The following UGT2A3 variants were observed in gnomAD, a reference collection of about 807,000 sequenced individuals.
The protein encoded by UGT2A3 is UDP glucuronosyltransferase family 2 member A3.
A neutral mutation model predicts 44.1 loss-of-function variants in UGT2A3; 55 were observed. The observed-to-expected ratio is 1.25, with a 90% CI of 1.00 to 1.56. The LOEUF (loss-of-function observed/expected upper bound fraction) is 1.56. Among genes scored for constraint, UGT2A3 ranks in the 40% most tolerant of loss-of-function variants. The pLI is 0.00. For synonymous variants in UGT2A3, 243 were observed against 215.1 expected, an observed-to-expected ratio of 1.13 and a Z score of -1.13; for missense variants, 733 against 621.6, an observed-to-expected ratio of 1.18 and a Z score of -1.91.
intron 2 of UGT2A3, 43 bp downstream of exon 2, chr4:68,945,263 C>A (rs747205135): frequency 1.2e-6 from 2 of 1,603,674 alleles, no homozygotes; most frequent in East Asian, 2.2e-5. Context: ...GAAAACAAGT[C>A]ATGTCATAAA....
At chr4:68,934,146 A>G (rs1440167231) in intron 2 of UGT2A3, among the ~76,000 whole-genome samples, 2 of 152,028 alleles carry the variant, frequency 1.3e-5, no homozygotes, top group Non-Finnish European at 2.9e-5. Context: ...CCGACATCAA[A>G]TTCACAATAA....
intron 2 of UGT2A3, 132 bp downstream of exon 2, chr4:68,945,174 C>T: frequency 2.1e-6 from 2 of 975,354 alleles, no homozygotes; most frequent in Non-Finnish European, 3.0e-6. Flanking sequence ...GCCCCTGTGG[C>T]ATGGAAAATA....
chr4:68,936,427 A>C (rs184232511), intron 2 of UGT2A3, among the ~76,000 whole-genome samples: 4 of 152,228 alleles, frequency 2.6e-5, no homozygotes, highest in Non-Finnish European at 2.9e-5. Flanking sequence ...AAAGGAAAGA[A>C]TTTTCAACCC....
intron 2 of UGT2A3, among the ~76,000 whole-genome samples, chr4:68,938,839 G>A (rs1275178403): frequency 6.6e-6 from 1 of 152,160 alleles, no homozygotes; most frequent in Admixed American, 6.6e-5. Flanking sequence ...CAGCTGATAA[G>A]CAACTTCAGC....
intron 3 of UGT2A3, among the ~76,000 whole-genome samples, chr4:68,932,334 A>AT (rs539044685): frequency 1.1e-4 from 16 of 150,738 alleles, no homozygotes; most frequent in Admixed American, 2.0e-4. Context: ...AGATGTCAGA[A>AT]TTTTTTTTTG....
chr4:68,935,429 G>T (rs1342672612), intron 2 of UGT2A3, among the ~76,000 whole-genome samples: 3 of 151,168 alleles, frequency 2.0e-5, no homozygotes, highest in Non-Finnish European at 4.4e-5. Context: ...GGTCTGGAGT[G>T]GACCTCCAGC....
In UGT2A3 at chr4:68,928,510, A is replaced by G. The variant is rs1717599072; in HGVS notation, c.*1303T>C. On this transcript the variant is annotated 3_prime_UTR_variant, in exon 6 of 6. Transcript: ENST00000251566. ...ATTTATATTTATTGTATACATACAC[A>G]AGAAAAATACTTATATTTATTTTTA... The G allele has an allele frequency of 6.6e-6, 1 of 152,068 alleles. No individual in the cohort carries two copies. The highest frequency in any genetic ancestry group is 1.5e-5 in the Non-Finnish European group (1 of 67,982). 9.4% of individuals were successfully genotyped at this position (152,068 alleles called of 1,614,324 possible).
chr4:68,939,089 G>A (rs1718081823), intron 2 of UGT2A3, among the ~76,000 whole-genome samples: 1 of 152,116 alleles, frequency 6.6e-6, no homozygotes, highest in Non-Finnish European at 1.5e-5. Context: ...CTCATGGATA[G>A]GAAGAATTAA....
chr4:68,951,468 A>G lies in UGT2A3; in HGVS notation c.293T>C (p.Leu98Ser), dbSNP rs773548884. The change falls in exon 1 of 6, where the codon TTG becomes TCG. Residue 98 changes from leucine (L) to serine (S), a missense_variant. Leu to Ser is a moderately radical substitution (Grantham distance 145, BLOSUM62 -2). Transcript: ENST00000251566. ...TGATTGCCAGGTTGATAAGCCTGGC[A>G]AGACATTCAGAGCTAGGTCAACAAA... The part of the protein sequence containing the change: ...EIFVDLALNV[L>S]PGLSTWQSVI... 8 of 1,612,548 alleles carry G rather than the reference A, an allele frequency of 5.0e-6. No homozygotes were observed. Among genetic ancestry groups the G allele is most frequent in the Non-Finnish European group, 6.8e-6 (8 of 1,179,244 alleles).
chr4:68,932,848 A>AC, intron 2 of UGT2A3, 89 bp from the exon 3 acceptor site: 1 of 1,300,478 alleles, frequency 7.7e-7, no homozygotes, highest in Non-Finnish European at 1.1e-6. Flanking sequence ...TAAATACTTG[A>AC]GAAATTATTA....
At chr4:68,949,988 A>T (rs1056986806) in intron 1 of UGT2A3, among the ~76,000 whole-genome samples, 3 of 151,882 alleles carry the variant, frequency 2.0e-5, no homozygotes, top group African/African-American at 7.2e-5. Flanking sequence ...CACCCCTTTG[A>T]TAACACTTTT....
chr4:68,938,617 G>A (rs1251885635), intron 2 of UGT2A3, among the ~76,000 whole-genome samples: 1 of 152,092 alleles, frequency 6.6e-6, no homozygotes, highest in African/African-American at 2.4e-5. Context: ...GCAAAAACTG[G>A]AAGCATTCCC....
At chr4:68,933,179 T>C (rs963793549) in intron 2 of UGT2A3, among the ~76,000 whole-genome samples, 1 of 151,976 alleles carries the variant, frequency 6.6e-6, no homozygotes, top group Non-Finnish European at 1.5e-5. Flanking sequence ...ACTATTCGAA[T>C]ATAAAAATAC....
intron 1 of UGT2A3, among the ~76,000 whole-genome samples, chr4:68,947,953 A>G (rs938227632): frequency 1.3e-5 from 2 of 151,852 alleles, no homozygotes; most frequent in Non-Finnish European, 2.9e-5. Context: ...TAGATTTAAC[A>G]TAATTATTAA....
At chr4:68,939,520 T>C (rs755265724) in intron 2 of UGT2A3, among the ~76,000 whole-genome samples, 17 of 152,230 alleles carry the variant, frequency 1.1e-4, no homozygotes, top group Non-Finnish European at 1.9e-4. Context: ...AACGGATCCC[T>C]TCTTACATCT....
Position 68,928,750 on chromosome 4 carries a change from G to T in UGT2A3, c.*1063C>A. Reference sequence around the variant, plus strand: ...TACACTATATTTAGCTTTGTGTAGAGCTTTACATATCAAAATATTTAATAT... The same window carrying T: ...TACACTATATTTAGCTTTGTGTAGATCTTTACATATCAAAATATTTAATAT... On this transcript the variant is annotated 3_prime_UTR_variant, in exon 6 of 6. Coordinates refer to ENST00000251566, the MANE Select transcript of UGT2A3 (RefSeq NM_024743.4). 6.6e-6 allele frequency: 1 copy of T among 151,170 alleles called. No homozygotes were observed. The allele number at this position is 151,170 out of a possible 1,614,324, so 9.4% of individuals were successfully genotyped here.
chr4:68,936,149 A>G, intron 2 of UGT2A3, among the ~76,000 whole-genome samples: 1 of 152,160 alleles, frequency 6.6e-6, no homozygotes, highest in East Asian at 1.9e-4. Context: ...TCAGTATATT[A>G]TCCAGGAGAA....
At chr4:68,935,282 A>G (rs775046571) in intron 2 of UGT2A3, among the ~76,000 whole-genome samples, 5,034 of 70,708 alleles carry the variant, frequency 0.071, 329 homozygotes, top group Non-Finnish European at 0.087. Context: ...GTATGTATAT[A>G]TATATATATA....
At chr4:68,949,458 G>C (rs1302401418) in intron 1 of UGT2A3, among the ~76,000 whole-genome samples, 1 of 151,764 alleles carries the variant, frequency 6.6e-6, no homozygotes, top group Non-Finnish European at 1.5e-5. Context: ...GTGCCCCCAA[G>C]CTAATAAACG....
Sources: allele counts gnomAD v4.1 joint callset (sites outside exome capture counted in the v4.1 genomes callset), GRCh38; gene constraint gnomAD v4.1.1; transcripts MANE v1.5; gene names NCBI Gene and HGNC (gene_info 2026-07-23, HGNC 2026-07-21).